SLC35F4: variants seen among roughly 807,000 people sequenced by gnomAD.
SLC35F4 encodes the protein chromosome 14 open reading frame 36.
In SLC35F4, 24 loss-of-function variants were observed where a neutral mutation model predicts 44.2. The ratio of observed to expected loss-of-function variants is 0.54; its 90% CI spans 0.39 to 0.76. SLC35F4 has a LOEUF of 0.76. SLC35F4 is among the 30% of genes least tolerant of loss of function. The pLI is 0.00. For synonymous variants in SLC35F4, 238 were observed against 223.6 expected, an observed-to-expected ratio of 1.06 and a Z score of -0.57; for missense variants, 562 against 586.1, an observed-to-expected ratio of 0.96 and a Z score of 0.42.
intron 2 of SLC35F4, among the ~76,000 whole-genome samples, chr14:57,590,747 A>G (rs140365416): frequency 0.025 from 3,836 of 152,274 alleles, 74 homozygotes; most frequent in South Asian, 0.048. Context: ...GTGTCTCCAA[A>G]GACCCCACTT....
intron 6 of SLC35F4, among the ~76,000 whole-genome samples, chr14:57,568,090 G>GA: frequency 6.6e-6 from 1 of 152,336 alleles, no homozygotes; most frequent in South Asian, 2.1e-4. Context: ...TAACAGGCTG[G>GA]AGGGAGGCTA....
intron 1 of SLC35F4, among the ~76,000 whole-genome samples, chr14:57,727,453 CTT>C (rs1265013308): frequency 6.7e-6 from 1 of 149,154 alleles, no homozygotes; most frequent in Non-Finnish European, 1.5e-5. Flanking sequence ...TCAGTTTACT[CTT>C]GTTTTTCTAG....
At chr14:57,944,749 AAG>A (rs1491264199) in intron 1 of SLC35F4, among the ~76,000 whole-genome samples, 44 of 149,396 alleles carry the variant, frequency 2.9e-4, no homozygotes, top group Non-Finnish European at 6.0e-4. Flanking sequence ...GAAAGAAAGA[AAG>A]AAGAAAGGAA....
At chr14:57,952,203 T>G (rs1275765489) in intron 1 of SLC35F4, among the ~76,000 whole-genome samples, 1 of 151,878 alleles carries the variant, frequency 6.6e-6, no homozygotes, top group East Asian at 1.9e-4. Context: ...GGCCTGGCTG[T>G]TAGGAGGAAA....
intron 1 of SLC35F4, among the ~76,000 whole-genome samples, chr14:57,599,500 C>G (rs1036786071): frequency 1.3e-5 from 2 of 152,124 alleles, no homozygotes; most frequent in African/African-American, 4.8e-5. Flanking sequence ...GGTTTAACTA[C>G]AGCTCTTACT....
rs1402703328 is a variant in SLC35F4, at chr14:57,924,203, T to TCAG, written n.282+57707_282+57709dup. Among the ~76,000 whole-genome samples the TCAG allele has an allele frequency of 3.3e-5, 5 of 152,208 alleles. No homozygotes were observed. The South Asian group carries it at 1.0e-3, about 32-fold the overall frequency. On this transcript the variant is annotated intron_variant and non_coding_transcript_variant, in intron 1 of 1. Transcript: ENST00000556568. ...TTGCCCAATCTCAGGTATGTCTTCATCAGCAGTGTGAGAATGAACCAATAC... is the reference window on the plus strand; with the variant it reads ...TTGCCCAATCTCAGGTATGTCTTCATCAGCAGCAGTGTGAGAATGAACCAATAC...
intron 1 of SLC35F4, among the ~76,000 whole-genome samples, chr14:57,746,314 AG>A (rs1292044889): frequency 6.6e-6 from 1 of 152,184 alleles, no homozygotes; most frequent in Admixed American, 6.5e-5. Context: ...AAAGTTAATC[AG>A]GTTGATAAAG....
At chr14:57,810,560 C>A (rs1008753642) in intron 1 of SLC35F4, among the ~76,000 whole-genome samples, 1 of 152,214 alleles carries the variant, frequency 6.6e-6, no homozygotes, top group East Asian at 1.9e-4. Flanking sequence ...AGTATCAACA[C>A]CTGGTATCTT....
Position 57,699,604 on chromosome 14 carries a change from C to A in SLC35F4, c.104-105480G>T, listed in dbSNP as rs575870351. ...AGATTTTCCATAGGATAAATTTAATCACACCAAATGTGCAATCTCTCCAGG... is the reference window on the plus strand; with the variant it reads ...AGATTTTCCATAGGATAAATTTAATAACACCAAATGTGCAATCTCTCCAGG... On this transcript the variant is annotated intron_variant, in intron 1 of 7. Coordinates refer to ENST00000556826, the MANE Select transcript of SLC35F4 (RefSeq NM_001306087.2). 2.5e-3 allele frequency among the ~76,000 whole-genome samples: 388 copies of A among 152,282 alleles called. 3 individuals are homozygous for A. Among genetic ancestry groups the A allele is most frequent in the African/African-American group, 9.1e-3 (378 of 41,564 alleles).
At chr14:57,619,474 C>G (rs1464031784) in intron 1 of SLC35F4, among the ~76,000 whole-genome samples, 1 of 152,100 alleles carries the variant, frequency 6.6e-6, no homozygotes, top group Non-Finnish European at 1.5e-5. Flanking sequence ...GGAAAACTAA[C>G]AAAAAGAAAG....
intron 1 of SLC35F4, among the ~76,000 whole-genome samples, chr14:57,609,907 C>A (rs1032345925): frequency 6.6e-6 from 1 of 152,180 alleles, no homozygotes; most frequent in African/African-American, 2.4e-5. Context: ...GTGTTCCTAG[C>A]CTCCAGGAAA....
At chr14:57,757,416 C>A (rs59688356) in intron 1 of SLC35F4, among the ~76,000 whole-genome samples, 1 of 151,942 alleles carries the variant, frequency 6.6e-6, no homozygotes, top group African/African-American at 2.4e-5. Context: ...TTTTTATTAG[C>A]GCCATCTGTT....
chr14:57,923,738 G>T (rs1889488634), intron 1 of SLC35F4, among the ~76,000 whole-genome samples: 1 of 152,204 alleles, frequency 6.6e-6, no homozygotes, highest in Non-Finnish European at 1.5e-5. Flanking sequence ...TTGGAGAAGA[G>T]GAGAAGAATT....
chr14:57,701,912 A>C (rs1166643196), intron 1 of SLC35F4, among the ~76,000 whole-genome samples: 1 of 152,158 alleles, frequency 6.6e-6, no homozygotes, highest in Non-Finnish European at 1.5e-5. Flanking sequence ...GTGAAAATAG[A>C]AATTGTGGAT....
chr14:57,960,024 C>G (rs1003683951), intron 1 of SLC35F4, among the ~76,000 whole-genome samples: 3 of 152,144 alleles, frequency 2.0e-5, no homozygotes, highest in Non-Finnish European at 2.9e-5. Flanking sequence ...AGAGACAGGG[C>G]TCTGGAGCCA....
At chr14:57,826,595 A>T (rs1397661171) in intron 1 of SLC35F4, among the ~76,000 whole-genome samples, 1 of 152,030 alleles carries the variant, frequency 6.6e-6, no homozygotes, top group Non-Finnish European at 1.5e-5. Context: ...GGGAGAAAAT[A>T]TTTGCAATAT....
chr14:57,589,457 C>G lies in SLC35F4; in HGVS notation c.346G>C (p.Ala116Pro), dbSNP rs759827842. The G allele has an allele frequency of 3.0e-5, 48 of 1,613,626 alleles. No homozygotes were observed. Among genetic ancestry groups the G allele is most frequent in the African/African-American group, 4.0e-5 (3 of 74,912 alleles). The change falls in exon 3 of 8, where the codon GCT becomes CCT. Residue 116 changes from alanine to proline, a missense_variant. Transcript: ENST00000556826. The part of the protein sequence containing the change: ...ENSSQENRIK[A>P]RCLSCTSMVL... ...ATGGACGTGCAGGACAGGCAGCGAG[C>G]CTTGATTCTGTTTTCTTGGCTGCTG...
chr14:57,882,872 G>A (rs1888566480), intron 1 of SLC35F4, among the ~76,000 whole-genome samples: 1 of 152,156 alleles, frequency 6.6e-6, no homozygotes, highest in Non-Finnish European at 1.5e-5. Flanking sequence ...GAAAGGCTGG[G>A]TGTTCCTCCC....
intron 1 of SLC35F4, among the ~76,000 whole-genome samples, chr14:57,633,281 T>C (rs1001633649): frequency 6.6e-6 from 1 of 152,018 alleles, no homozygotes; most frequent in Non-Finnish European, 1.5e-5. Context: ...ACAGTAAGAG[T>C]ATATTTAGCT....
Sources: allele counts gnomAD v4.1 joint callset (sites outside exome capture counted in the v4.1 genomes callset), GRCh38; gene constraint gnomAD v4.1.1; transcripts MANE v1.5; gene names NCBI Gene and HGNC (gene_info 2026-07-23, HGNC 2026-07-21).